Variants in OPLAH observed in about 807,000 individuals in gnomAD.
OPLAH encodes the protein 5-oxoprolinase.
Under a neutral mutation model 122.8 loss-of-function variants are expected in OPLAH, and 103 were observed. The ratio of observed to expected loss-of-function variants is 0.84; its 90% CI spans 0.71 to 0.99. The LOEUF (loss-of-function observed/expected upper bound fraction) is 0.99, where lower values mean the gene tolerates loss of function less well. Among genes scored for constraint, OPLAH ranks in the 50% least tolerant of loss-of-function variants. The pLI is 0.00. For missense variants in OPLAH, 1,902 were observed against 1,836.5 expected, an observed-to-expected ratio of 1.04 and a Z score of -0.65; for synonymous variants, 875 against 796.0, an observed-to-expected ratio of 1.10 and a Z score of -1.67.
In OPLAH at chr8:144,056,941, A is replaced by G. The variant is rs1259428302; in HGVS notation, c.1706+7T>C. The G allele has an allele frequency of 3.8e-6, 6 of 1,566,502 alleles. No homozygotes were observed. In the East Asian group the frequency reaches 1.4e-4, roughly 37 times the overall value. ...AGCCCTCTGTCCAGGGCACCCTGGGAGCCCACCTGGGGAAGCCCTGGGCCT... is the reference window on the plus strand; with the variant it reads ...AGCCCTCTGTCCAGGGCACCCTGGGGGCCCACCTGGGGAAGCCCTGGGCCT... On this transcript the variant is annotated splice_region_variant and intron_variant, in intron 12 of 26. Coordinates refer to ENST00000618853, the MANE Select transcript of OPLAH (RefSeq NM_017570.5).
At chr8:144,063,595 CA>C (rs1835697475), upstream of OPLAH, 1 of 152,874 alleles carries the variant, frequency 6.5e-6, no homozygotes, top group South Asian at 2.1e-4. This position sits in a 1 kb window ranked among gnomAD's most constrained non-coding sequence, Gnocchi z 4.2. Context: ...CTCCCCGCCG[CA>C]CATCCTGGAA....
upstream of OPLAH, among the ~76,000 whole-genome samples, chr8:144,060,894 G>A (rs925319330): frequency 6.6e-6 from 1 of 152,226 alleles, no homozygotes; most frequent in African/African-American, 2.4e-5. Context: ...TCGGGTCTCC[G>A]GCGCCGGGCC....
intron 3 of OPLAH, 133 bp from the exon 4 acceptor site, chr8:144,059,212 C>A (rs1288181002): frequency 6.6e-6 from 5 of 753,196 alleles, no homozygotes; most frequent in Non-Finnish European, 1.1e-5. Context: ...TCATACCTGG[C>A]AGCCCCAGCA....
chr8:144,054,969 G>T, intron 17 of OPLAH, 56 bp from the exon 18 acceptor site: 1 of 1,179,794 alleles, frequency 8.5e-7, no homozygotes, highest in South Asian at 1.6e-5. Context: ...CCAGAGCGGG[G>T]TGGGGGGGGG....
chr8:144,052,678 C>G lies in OPLAH; in HGVS notation c.3154-80G>C, dbSNP rs1564288121. On this transcript the variant is annotated intron_variant, in intron 22 of 26. Transcript: ENST00000618853. ...GCACCCCACCCCCCGCCCCAGCACC[C>G]GTGGGGTCAGACCGTGGCTGGGCCC... The G allele has an allele frequency of 7.8e-6, 12 of 1,536,184 alleles. No homozygotes were observed. In the South Asian group the frequency reaches 1.3e-4, roughly 17 times the overall value.
chr8:144,060,812 G>C (rs1448279013), upstream of OPLAH: 2 of 152,274 alleles, frequency 1.3e-5, no homozygotes, highest in South Asian at 4.1e-4. Context: ...CCCGCCCCCC[G>C]CGCCTCCGTC....
At position 144,053,366 on chromosome 8, in the gene OPLAH, C is replaced by T; in HGVS notation, c.2714G>A (p.Gly905Asp). Residue 905 changes from glycine (G) to aspartate (D), a missense_variant, in exon 20 of 27, where the codon GGC becomes GAC. Gly to Asp is a moderately conservative substitution (Grantham distance 94). This residue lies in a region of OPLAH where 1,726 missense variants were observed against 1,642.1 expected (regional missense o/e 1.05). Transcript: ENST00000618853. ...EAVTEALRAP[G>D]KVPNCSGTRN... Reference sequence around the variant, plus strand: ...GGTTCCGCTGCAGTTGGGGACCTTGCCTGGCGCCCGCAGGGCCTCCGTCAC... The same window carrying T: ...GGTTCCGCTGCAGTTGGGGACCTTGTCTGGCGCCCGCAGGGCCTCCGTCAC... The T allele has an allele frequency of 6.2e-7, 1 of 1,612,018 alleles. No homozygotes were observed.
chr8:144,058,570 C>T lies in OPLAH; in HGVS notation c.709G>A (p.Ala237Thr). 1 of 1,601,870 alleles carries T rather than the reference C, an allele frequency of 6.2e-7. No individual in the cohort carries two copies. ...ATGGCGGGCGTGAGGTAGGCGTCGG[C>T]ACAGGCCGTGTGCCCCCGAGGGACG... The part of the protein sequence containing the change: ...RIVPRGHTAC[A>T]DAYLTPAIQR... The change falls in exon 6 of 27, where the codon GCC (alanine) becomes ACC (threonine). Residue 237 changes from alanine (A) to threonine (T), a missense_variant. Physicochemically the swap from Ala to Thr is moderately conservative, Grantham distance 58 (BLOSUM62 0). Coordinates refer to ENST00000618853, the MANE Select transcript of OPLAH (RefSeq NM_017570.5).
At chr8:144,059,496 C>A (rs1272317329) in intron 3 of OPLAH, 103 bp downstream of exon 3, 19 of 1,228,020 alleles carry the variant, frequency 1.5e-5, no homozygotes, top group Middle Eastern at 2.2e-4. Context: ...CGGCTGGTGC[C>A]CATGAGCCAT....
Position 144,058,161 on chromosome 8 carries a change from GGGT to G in OPLAH, c.950-16_950-14del. 1 of 1,611,732 alleles carries G rather than the reference GGGT, an allele frequency of 6.2e-7. No individual in the cohort carries two copies. The highest frequency in any genetic ancestry group is 8.5e-7 in the Non-Finnish European group (1 of 1,179,376). On this transcript the variant is annotated splice_polypyrimidine_tract_variant and intron_variant, in intron 7 of 26. Transcript: ENST00000618853. ...TCCGTGGACGTGCCTGGCAGGGGTG[GGGT>G]GCTGGTGGGTCACTTGAAGACCCAG...
At chr8:144,054,505 G>A in intron 19 of OPLAH, 56 bp downstream of exon 19, 1 of 1,498,586 alleles carries the variant, frequency 6.7e-7, no homozygotes, top group Non-Finnish European at 9.0e-7. Context: ...CTGCTTGCCA[G>A]CAGTGGCCAT....
chr8:144,056,858 G>A, intron 12 of OPLAH, 90 bp downstream of exon 12: 1 of 1,514,924 alleles, frequency 6.6e-7, no homozygotes, highest in Non-Finnish European at 8.9e-7. Flanking sequence ...CACACCCCGG[G>A]ACCACCTGGG....
In OPLAH at chr8:144,059,486, C is replaced by G. The variant is rs1271377203; in HGVS notation, c.363+113G>C. ...GGGAATTCGGGAGCTTCCTCTTTGT[C>G]GGCTGGTGCCCATGAGCCATCACTA... On this transcript the variant is annotated intron_variant, in intron 3 of 26. Transcript: ENST00000618853. The G allele has an allele frequency of 5.3e-6, 6 of 1,138,432 alleles. No individual in the cohort carries two copies. The Admixed American group carries it at 1.7e-4, about 32-fold the overall frequency. The allele number at this position is 1,138,432 out of a possible 1,614,324, so 70.5% of individuals were successfully genotyped here. A position where few individuals can be genotyped will look rare whatever the true frequency, so the allele number is the denominator to read the frequency against.
chr8:144,054,828 A>G lies in OPLAH; in HGVS notation c.2495T>C (p.Leu832Pro). ...PSAGGSHLPD[L>P]TVITPVFWPG... is the part of the protein sequence containing the mutation. ...ACCCCTCACCGGTGTGATAACAGTC[A>G]GGTCTGGCAGGTGGCTGCCCCCGGC... The change falls in exon 18 of 27, where the codon CTG becomes CCG. Residue 832 changes from leucine to proline, a missense_variant. Leu to Pro is a moderately conservative substitution (Grantham distance 98). Coordinates refer to ENST00000618853, the MANE Select transcript of OPLAH (RefSeq NM_017570.5). 1 of 1,612,298 alleles carries G rather than the reference A, an allele frequency of 6.2e-7. No homozygotes were observed. The highest frequency in any genetic ancestry group is 8.5e-7 in the Non-Finnish European group (1 of 1,179,794).
chr8:144,052,990 A>G lies in OPLAH; in HGVS notation c.3011T>C (p.Leu1004Pro), dbSNP rs1835424714. The change falls in exon 21 of 27, where the codon CTG (leucine) becomes CCG (proline). Residue 1004 changes from leucine to proline, a missense_variant. This residue lies in a region of OPLAH where 1,726 missense variants were observed against 1,642.1 expected (regional missense o/e 1.05). Transcript: ENST00000618853. ...SPIRLRVQIS[L>P]SQGSAVFDFS... ...ACTCTCCCCACGGCCCACCTGACTC[A>G]GGCTGATCTGCACACGGAGGCGGAT... 1.3e-6 allele frequency: 2 copies of G among 1,598,768 alleles called. No homozygotes were observed. Among genetic ancestry groups the G allele is most frequent in the Non-Finnish European group, 1.7e-6 (2 of 1,173,228 alleles).
Position 144,051,756 on chromosome 8 carries a change from G to C in OPLAH, c.3693C>G (p.Gly1231=), listed in dbSNP as rs1295636712. ...CGGGGTACACGGTCACCGACGTCTT[G>C]CCGCCCAGATTCACCGTCCGGCCGT... The part of the protein sequence containing the change: ...RKNGRTVNLG[G]KTSVTVYPGD... The change falls in exon 26 of 27, where the codon GGC becomes GGG. Residue 1231 remains glycine, a synonymous_variant. Transcript: ENST00000618853. 4 of 1,606,812 alleles carry C rather than the reference G, an allele frequency of 2.5e-6. No individual in the cohort carries two copies. The highest frequency in any genetic ancestry group is 2.7e-5 in the African/African-American group (2 of 74,870).
chr8:144,050,522 C>G, downstream of OPLAH: 1 of 985,526 alleles, frequency 1.0e-6, no homozygotes, highest in Non-Finnish European at 1.2e-6. Flanking sequence ...CCACCGCGCG[C>G]CCGCCTCTCT....
Position 144,052,171 on chromosome 8 carries a change from G to T in OPLAH, c.3459C>A (p.Ser1153Arg). ...CAGCCTCCGCGCACGCCGCTCACCG[G>T]CTCTCCAGGATCTCAGGGTCGGTGA... The part of the protein sequence containing the change: ...TRITDPEILE[S>R]RYPVILRRFE... The change falls in exon 24 of 27, where the codon AGC (serine) becomes AGA (arginine). Residue 1153 changes from serine (S) to arginine (R), a missense_variant and splice_region_variant. Transcript: ENST00000618853. 1 of 1,567,422 alleles carries T rather than the reference G, an allele frequency of 6.4e-7. No homozygotes were observed. The highest frequency in any genetic ancestry group is 8.6e-7 in the Non-Finnish European group (1 of 1,159,316).
downstream of OPLAH, chr8:144,051,256 G>A: frequency 1.3e-6 from 2 of 1,595,836 alleles, no homozygotes; most frequent in Non-Finnish European, 1.7e-6. Context: ...ACACGACTCG[G>A]AGCACGAACT....
Sources: gnomAD v4.1 joint callset for allele counts (sites outside exome capture counted in the v4.1 genomes callset) on GRCh38, gnomAD v4.1.1 for gene constraint, gnomAD v4.1.1 regional missense constraint, Gnocchi (gnomAD v3.1) non-coding constraint, MANE v1.5 for transcripts, NCBI Gene and HGNC (gene_info 2026-07-23, HGNC 2026-07-21) for gene names.